PKD1L1: variants seen among roughly 807,000 people sequenced by gnomAD.
The protein encoded by PKD1L1 is polycystin-1-like protein 1.
In PKD1L1, 236 loss-of-function variants were observed where a neutral mutation model predicts 323.4. The ratio of observed to expected loss-of-function variants is 0.73; its 90% CI spans 0.66 to 0.81. The LOEUF (loss-of-function observed/expected upper bound fraction) is 0.81. PKD1L1 is among the 40% of genes least tolerant of loss of function. The pLI is 0.00. For synonymous variants in PKD1L1, 1,344 were observed against 1,335.0 expected (o/e 1.01, Z -0.15); for missense variants, 3,320 against 3,508.0 (o/e 0.95, Z 1.35).
At chr7:47,894,708 G>A (rs1276294178) in intron 14 of PKD1L1, among the ~76,000 whole-genome samples, 1 of 151,930 alleles carries the variant, frequency 6.6e-6, no homozygotes, top group Non-Finnish European at 1.5e-5. Flanking sequence ...AAAATTAGCT[G>A]AGCGTGGTGG....
chr7:47,812,065 C>G lies in PKD1L1; in HGVS notation c.7347-14G>C, dbSNP rs766461568. 39 of 1,551,178 alleles carry G rather than the reference C, an allele frequency of 2.5e-5. No homozygotes were observed. The highest frequency in any genetic ancestry group is 3.3e-5 in the Non-Finnish European group (38 of 1,145,956). On this transcript the variant is annotated splice_polypyrimidine_tract_variant and intron_variant, in intron 49 of 56. Coordinates refer to ENST00000289672, the MANE Select transcript of PKD1L1 (RefSeq NM_138295.5). ...TGGGCTTCAGTCCTGTAAAACAGCA[C>G]ACACTGGGGTAGGGCAGGGCAGGGA...
At position 47,796,498 on chromosome 7, in the gene PKD1L1, G is replaced by A. The variant is rs556481479; in HGVS notation, c.8194-348C>T. Among the ~76,000 whole-genome samples the A allele has an allele frequency of 3.2e-4, 49 of 152,282 alleles. No homozygotes were observed. The South Asian group carries it at 9.7e-3, about 30-fold the overall frequency. The stretch of plus-strand genomic sequence containing the variant: ...CCTGGTGAACCATTCTGAGCTGTGG[G>A]TGAGCCTCAGGAGAGAGGCCTGTGC... On this transcript the variant is annotated intron_variant, in intron 54 of 56. Transcript: ENST00000289672.
rs530402051 is a variant in PKD1L1 at position 47,839,446 on chromosome 7, C to T, written c.5769G>A (p.Lys1923=). Residue 1923 remains lysine (K), a splice_region_variant and synonymous_variant, in exon 36 of 57, where the codon AAG becomes AAA. Coordinates refer to ENST00000289672, the MANE Select transcript of PKD1L1 (RefSeq NM_138295.5). This position sits in a 1 kb window ranked among gnomAD's most constrained non-coding sequence, Gnocchi z 4.3. ...TCLQGGLGFR[K]LFYCKFTEYL... ...GAGAGGCCACCTGGAGGGAGCCTAC[C>T]TTCCGGAAGCCGAGTCCCCCTTGCA... 4 of 1,604,872 alleles carry T rather than the reference C, an allele frequency of 2.5e-6. No homozygotes were observed. The East Asian group carries it at 9.0e-5, about 36-fold the overall frequency.
intron 24 of PKD1L1, among the ~76,000 whole-genome samples, chr7:47,868,034 C>T (rs1376816843): frequency 6.6e-6 from 1 of 152,196 alleles, no homozygotes; most frequent in Non-Finnish European, 1.5e-5. Context: ...TTCTACAGAG[C>T]TGTACTGTTG....
At chr7:47,924,653 G>C (rs995129595) in intron 7 of PKD1L1, among the ~76,000 whole-genome samples, 12 of 152,166 alleles carry the variant, frequency 7.9e-5, no homozygotes, top group Non-Finnish European at 1.5e-4. Flanking sequence ...CATGGAGGGT[G>C]CCAGTTTCCT....
chr7:47,838,876 CAA>C lies in PKD1L1; in HGVS notation c.5769+568_5769+569del, dbSNP rs57858359. 6.0e-3 allele frequency among the ~76,000 whole-genome samples: 514 copies of C among 85,294 alleles called. 1 individual carries two copies. Among genetic ancestry groups the C allele is most frequent in the Non-Finnish European group, 7.9e-3 (371 of 47,180 alleles). 56.0% of individuals were successfully genotyped at this position (85,294 alleles called of 152,430 possible). A position where few individuals can be genotyped will look rare whatever the true frequency, so the allele number is the denominator to read the frequency against. The stretch of plus-strand genomic sequence containing the variant: ...CTGGCAGTAGAGTGAGACTCCATCT[CAA>C]AAAAAAAAAAAAAAAAAAAGAAAGA... On this transcript the variant is annotated intron_variant, in intron 36 of 56. Transcript: ENST00000289672.
intron 50 of PKD1L1, among the ~76,000 whole-genome samples, chr7:47,811,370 C>T (rs1433595837): frequency 1.3e-5 from 2 of 152,110 alleles, no homozygotes; most frequent in East Asian, 1.9e-4. Context: ...TTGGCCAGGC[C>T]GGTGTTGAAC....
At chr7:47,799,027 A>G (rs34028700) in intron 54 of PKD1L1, among the ~76,000 whole-genome samples, 21,258 of 152,246 alleles carry the variant, frequency 0.14, 1,811 homozygotes, top group African/African-American at 0.23. Flanking sequence ...AAAAATTGCC[A>G]CAATTATTTG....
At position 47,932,218 on chromosome 7, in the gene PKD1L1, T is replaced by C. The variant is rs551554430; in HGVS notation, c.399-162A>G. On this transcript the variant is annotated intron_variant, in intron 4 of 56. Coordinates refer to ENST00000289672, the MANE Select transcript of PKD1L1 (RefSeq NM_138295.5). ...CTGGGAGTCAGGCCCAGGCTGACCA[T>C]GGGGATATGATGTGGTTAGAAGCCA... Among the ~76,000 whole-genome samples, 4 of 152,220 alleles carry C rather than the reference T, an allele frequency of 2.6e-5. No individual in the cohort carries two copies. In the South Asian group the frequency reaches 6.2e-4, roughly 24 times the overall value.
At chr7:47,890,358 G>T (rs868160807) in intron 16 of PKD1L1, among the ~76,000 whole-genome samples, 184 bp downstream of exon 16, 1 of 152,232 alleles carries the variant, frequency 6.6e-6, no homozygotes, top group East Asian at 1.9e-4. Context: ...ACATCAGCCC[G>T]AGAGCGGGGA....
intron 14 of PKD1L1, among the ~76,000 whole-genome samples, chr7:47,894,779 A>T (rs1786900427): frequency 1.3e-5 from 2 of 151,546 alleles, no homozygotes; most frequent in South Asian, 4.2e-4. Context: ...TGAACCCAGT[A>T]GCCCAGAGGG....
At chr7:47,793,740 CAGA>C (rs1301629512) in intron 55 of PKD1L1, among the ~76,000 whole-genome samples, 1 of 152,058 alleles carries the variant, frequency 6.6e-6, no homozygotes, top group Non-Finnish European at 1.5e-5. Context: ...TTGGAGGGCT[CAGA>C]AGAAGACAGG....
At chr7:47,851,343 C>T (rs1189531244) in intron 31 of PKD1L1, among the ~76,000 whole-genome samples, 1 of 152,032 alleles carries the variant, frequency 6.6e-6, no homozygotes, top group East Asian at 1.9e-4. Flanking sequence ...GGAGGAGCTC[C>T]CACTGGAATA....
At chr7:47,901,049 A>G (rs532390827) in intron 13 of PKD1L1, among the ~76,000 whole-genome samples, 9 of 152,300 alleles carry the variant, frequency 5.9e-5, no homozygotes, top group Admixed American at 3.3e-4. Context: ...CGTAAAATAA[A>G]GAAAAAATGA....
In PKD1L1 at chr7:47,839,331, G is replaced by A. The variant is rs1042353780; in HGVS notation, c.5769+115C>T. ...ATCGTGGTAATTAACTAAGAAAAGA[G>A]GAATACACTTTAGAAGAGTTCAAAG... is the stretch of plus-strand genomic sequence containing the variant. On this transcript the variant is annotated intron_variant, in intron 36 of 56. Coordinates refer to ENST00000289672, the MANE Select transcript of PKD1L1 (RefSeq NM_138295.5). This position sits in a 1 kb window ranked among gnomAD's most constrained non-coding sequence, Gnocchi z 4.3. 2.7e-6 allele frequency: 2 copies of A among 749,484 alleles called. No individual in the cohort carries two copies. The highest frequency in any genetic ancestry group is 3.0e-5 in the Admixed American group (1 of 33,358). 46.4% of individuals were successfully genotyped at this position (749,484 alleles called of 1,614,324 possible).
rs201467275 is a variant in PKD1L1 at position 47,835,250 on chromosome 7, C to A, written c.5944-7G>T. Reference sequence around the variant, plus strand: ...GGCTGACGTCCAAGTGGGGCTGCAACAAAGCAACAGCAGCCATTACATCAA... The same window carrying A: ...GGCTGACGTCCAAGTGGGGCTGCAAAAAAGCAACAGCAGCCATTACATCAA... On this transcript the variant is annotated splice_region_variant and splice_polypyrimidine_tract_variant and intron_variant, in intron 37 of 56. Transcript: ENST00000289672. 6.4e-7 allele frequency: 1 copy of A among 1,565,806 alleles called. No individual in the cohort carries two copies. Among genetic ancestry groups the A allele is most frequent in the Non-Finnish European group, 8.6e-7 (1 of 1,157,666 alleles).
chr7:47,874,507 T>C (rs1477291160), intron 23 of PKD1L1, among the ~76,000 whole-genome samples: 1 of 152,252 alleles, frequency 6.6e-6, no homozygotes, highest in East Asian at 1.9e-4. Flanking sequence ...TGCCAAGGAT[T>C]GGGGACTTAA....
intron 56 of PKD1L1, among the ~76,000 whole-genome samples, chr7:47,784,385 G>A (rs191229315): frequency 6.6e-6 from 1 of 152,222 alleles, no homozygotes; most frequent in Admixed American, 6.5e-5. Context: ...ACATAGAAAA[G>A]CTTAGAAAAA....
chr7:47,943,163 A>AAAAAAT (rs1554417311), intron 2 of PKD1L1, among the ~76,000 whole-genome samples: 10 of 34,140 alleles, frequency 2.9e-4, no homozygotes, highest in Non-Finnish European at 5.7e-4. Context: ...AAAAAAAAAA[A>AAAAAAT]ATATATATAT....
Sources: gnomAD v4.1 joint callset for allele counts (sites outside exome capture counted in the v4.1 genomes callset) on GRCh38, gnomAD v4.1.1 for gene constraint, Gnocchi (gnomAD v3.1) non-coding constraint, MANE v1.5 for transcripts, NCBI Gene and HGNC (gene_info 2026-07-23, HGNC 2026-07-21) for gene names.